Variants in VPS13B observed in about 807,000 individuals in gnomAD.
The protein encoded by VPS13B is intermembrane lipid transfer protein VPS13B.
VPS13B carries 285 observed loss-of-function variants against 426.4 expected under a neutral mutation model. That is an observed-to-expected ratio of 0.67 (90% CI 0.61 to 0.74). The LOEUF is 0.74. Ranked by LOEUF, VPS13B falls within the 30% of genes least tolerant of loss-of-function variation. The pLI, the probability that VPS13B is intolerant of heterozygous loss-of-function variation, is 0.00. For missense variants in VPS13B, 4,537 were observed against 4,782.6 expected (o/e 0.95, Z 1.51); for synonymous variants, 1,676 against 1,676.4 (o/e 1.00, Z 0.01).
Position 99,584,191 on chromosome 8 carries a change from G to A in VPS13B, c.5220+6558G>A, listed in dbSNP as rs556692367. 2.0e-5 allele frequency among the ~76,000 whole-genome samples: 3 copies of A among 152,280 alleles called. No individual in the cohort carries two copies. The South Asian group carries it at 6.2e-4, about 32-fold the overall frequency. On this transcript the variant is annotated intron_variant, in intron 33 of 61. Transcript: ENST00000357162. ...GTATTTTACTGCCTATCTTCTCCAAGGGAAGGATTTCTTAGGTACATTGAA... is the reference window on the plus strand; with the variant it reads ...GTATTTTACTGCCTATCTTCTCCAAAGGAAGGATTTCTTAGGTACATTGAA...
chr8:99,425,897 T>C (rs1043693150), intron 21 of VPS13B, among the ~76,000 whole-genome samples: 3 of 151,760 alleles, frequency 2.0e-5, no homozygotes, highest in African/African-American at 7.3e-5. Context: ...AAGCATTCTG[T>C]TTTTTGTTTT....
At chr8:99,104,018 A>T (rs1846908723) in intron 5 of VPS13B, among the ~76,000 whole-genome samples, 1 of 152,188 alleles carries the variant, frequency 6.6e-6, no homozygotes, top group South Asian at 2.1e-4. Flanking sequence ...TAATACAGTC[A>T]TGCATTGCTT....
intron 39 of VPS13B, among the ~76,000 whole-genome samples, chr8:99,739,045 G>A (rs530702655): frequency 1.2e-4 from 19 of 152,358 alleles, no homozygotes; most frequent in Non-Finnish European, 1.8e-4. Context: ...CCCAGGAAGC[G>A]CAAGGGGTCA....
intron 3 of VPS13B, among the ~76,000 whole-genome samples, chr8:99,057,333 G>T (rs1001025678): frequency 2.0e-5 from 3 of 152,054 alleles, no homozygotes; most frequent in Non-Finnish European, 2.9e-5. Context: ...AAAAAATCCA[G>T]TGTATTCTTT....
At chr8:99,316,036 A>AT (rs1202054946) in intron 19 of VPS13B, among the ~76,000 whole-genome samples, 6 of 152,118 alleles carry the variant, frequency 3.9e-5, no homozygotes, top group Non-Finnish European at 4.4e-5. Flanking sequence ...TTCTGGGTGC[A>AT]TTATATGGTG....
At chr8:99,783,158 G>C (rs916051129) in intron 42 of VPS13B, among the ~76,000 whole-genome samples, 1 of 152,138 alleles carries the variant, frequency 6.6e-6, no homozygotes, top group East Asian at 1.9e-4. Flanking sequence ...TGGATTCCAA[G>C]TACATTCATC....
At chr8:99,421,921 A>G (rs1816399122) in intron 21 of VPS13B, among the ~76,000 whole-genome samples, 2 of 152,046 alleles carry the variant, frequency 1.3e-5, no homozygotes, top group Non-Finnish European at 2.9e-5. Context: ...GGTTCAAGCA[A>G]TTTGCCTGCC....
intron 21 of VPS13B, among the ~76,000 whole-genome samples, chr8:99,409,004 T>G (rs753182353): frequency 7.9e-5 from 12 of 152,272 alleles, no homozygotes; most frequent in Middle Eastern, 3.4e-3. Flanking sequence ...TTTTAGTGAC[T>G]CAACATAGCA....
rs141033736 is a variant in VPS13B at position 99,411,154 on chromosome 8, G to A, written c.3082+19450G>A. 1.4e-4 allele frequency among the ~76,000 whole-genome samples: 22 copies of A among 152,244 alleles called. No homozygotes were observed. In the East Asian group the frequency reaches 3.9e-3, roughly 27 times the overall value. On this transcript the variant is annotated intron_variant, in intron 21 of 61. Coordinates refer to ENST00000357162, the MANE Select transcript of VPS13B (RefSeq NM_152564.5). ...GAATTGCCACACTGTCTTCCACAAC[G>A]GTTGAACTAATTTGCACTCCCATCA...
At chr8:99,200,443 T>C (rs28703869) in intron 17 of VPS13B, among the ~76,000 whole-genome samples, 2,132 of 152,198 alleles carry the variant, frequency 0.014, 49 homozygotes, top group African/African-American at 0.047. Flanking sequence ...TGCTGGGTCA[T>C]ATGGTAATTT....
chr8:99,684,021 G>T (rs1831267532), intron 35 of VPS13B, among the ~76,000 whole-genome samples: 1 of 152,140 alleles, frequency 6.6e-6, no homozygotes, highest in Non-Finnish European at 1.5e-5. Context: ...CCAATAGTTT[G>T]CCTAGAGTTA....
intron 3 of VPS13B, among the ~76,000 whole-genome samples, chr8:99,083,486 A>G (rs1260495329): frequency 1.3e-5 from 2 of 150,908 alleles, no homozygotes; most frequent in Non-Finnish European, 3.0e-5. Context: ...AGAACTTCCA[A>G]CACTATGTTG....
At chr8:99,619,985 T>C (rs1337066757) in intron 33 of VPS13B, among the ~76,000 whole-genome samples, 2 of 151,884 alleles carry the variant, frequency 1.3e-5, no homozygotes, top group Non-Finnish European at 2.9e-5. Flanking sequence ...TAATGGTTTT[T>C]TTTTACTTTT....
chr8:99,666,865 A>C (rs1030523729), intron 35 of VPS13B, among the ~76,000 whole-genome samples: 2 of 152,172 alleles, frequency 1.3e-5, no homozygotes, highest in Non-Finnish European at 2.9e-5. Flanking sequence ...GAGGAAGTCA[A>C]ATTGTCCCTG....
At position 99,823,995 on chromosome 8, in the gene VPS13B, G is replaced by T; in HGVS notation, c.9330+17G>T. The T allele has an allele frequency of 6.2e-7, 1 of 1,609,724 alleles. No individual in the cohort carries two copies. Among genetic ancestry groups the T allele is most frequent in the Non-Finnish European group, 8.5e-7 (1 of 1,179,340 alleles). On this transcript the variant is annotated intron_variant, in intron 51 of 61. Transcript: ENST00000357162. ...GGAAAGGAGGTAAGCAAATCATAAC[G>T]ATTCTTTTGTCTAAGTTTTGATAAA...
intron 23 of VPS13B, among the ~76,000 whole-genome samples, chr8:99,446,631 T>C (rs996938904): frequency 6.6e-6 from 1 of 152,172 alleles, no homozygotes; most frequent in South Asian, 2.1e-4. Flanking sequence ...ATTTCTTTAA[T>C]CTAGTTCATT....
At chr8:99,255,512 A>T (rs1817701077) in intron 17 of VPS13B, among the ~76,000 whole-genome samples, 1 of 152,136 alleles carries the variant, frequency 6.6e-6, no homozygotes, top group Admixed American at 6.5e-5. Flanking sequence ...GTGTTAGCTG[A>T]CTTCCTCTGA....
chr8:99,807,301 T>C (rs1444269258), intron 43 of VPS13B, among the ~76,000 whole-genome samples: 1 of 152,212 alleles, frequency 6.6e-6, no homozygotes, highest in African/African-American at 2.4e-5. Context: ...ACTGAGCTCA[T>C]ATGCAAATGT....
intron 3 of VPS13B, among the ~76,000 whole-genome samples, chr8:99,087,152 A>G (rs1040516547): frequency 6.6e-6 from 1 of 152,128 alleles, no homozygotes; most frequent in Non-Finnish European, 1.5e-5. Flanking sequence ...TGCCTCAGCA[A>G]TGGCGGGCGC....
Sources: allele counts gnomAD v4.1 joint callset (sites outside exome capture counted in the v4.1 genomes callset), GRCh38; gene constraint gnomAD v4.1.1; transcripts MANE v1.5; gene names NCBI Gene and HGNC (gene_info 2026-07-23, HGNC 2026-07-21).